Variants in NUP58 observed in about 807,000 individuals in gnomAD.
NUP58 encodes nucleoporin 58.
Under a neutral mutation model 70.1 loss-of-function variants are expected in NUP58, and 17 were observed. The observed-to-expected ratio is 0.24, with a 90% CI of 0.17 to 0.36. The LOEUF (loss-of-function observed/expected upper bound fraction) is 0.36, where lower values mean the gene tolerates loss of function less well. Among genes scored for constraint, NUP58 ranks in the 10% least tolerant of loss-of-function variants. The pLI, the probability that NUP58 is intolerant of heterozygous loss-of-function variation, is 1.00. For synonymous variants in NUP58, 275 were observed against 257.6 expected (o/e 1.07, Z -0.65); for missense variants, 644 against 701.5 (o/e 0.92, Z 0.93).
At chr13:25,335,790 A>G (rs2031759323) in intron 13 of NUP58, 1 of 984,394 alleles carries the variant, frequency 1.0e-6, no homozygotes, top group Non-Finnish European at 1.2e-6. Flanking sequence ...GAAGGCTTTG[A>G]TTTCTTTAAA....
At chr13:25,324,910 A>T in intron 9 of NUP58, 79 bp from the exon 10 acceptor site, 1 of 918,476 alleles carries the variant, frequency 1.1e-6, no homozygotes, top group East Asian at 2.4e-5. Context: ...CAGAGACTGA[A>T]TATTTTTTTT....
chr13:25,329,116 G>T (rs2031511429), intron 12 of NUP58, among the ~76,000 whole-genome samples: 1 of 152,084 alleles, frequency 6.6e-6, no homozygotes, highest in Non-Finnish European at 1.5e-5. Context: ...TATAATAAAT[G>T]TTACTTTAAT....
At chr13:25,305,130 G>GTTTTTTTTTTTTTTTTTTTTTTTTTT (rs562132125) in intron 1 of NUP58, among the ~76,000 whole-genome samples, 4 of 58,570 alleles carry the variant, frequency 6.8e-5, no homozygotes, top group African/African-American at 2.1e-4. Context: ...GATCTGTGGG[G>GTTTTTTTTTTTTTTTTTTTTTTTTTT]TTTTTTTTTT....
chr13:25,312,791 T>G, intron 3 of NUP58, 92 bp from the exon 4 acceptor site: 4 of 1,284,400 alleles, frequency 3.1e-6, no homozygotes, highest in Non-Finnish European at 4.3e-6. Flanking sequence ...TCATGAACTT[T>G]TAAGGATCCT....
rs1257335187 is a variant in NUP58 at position 25,341,611 on chromosome 13, A to G, written c.*1477A>G. 6.6e-6 allele frequency: 1 copy of G among 152,650 alleles called. No individual in the cohort carries two copies. Among genetic ancestry groups the G allele is most frequent in the Non-Finnish European group, 1.5e-5 (1 of 68,026 alleles). The allele number at this position is 152,650 out of a possible 1,614,324, so 9.5% of individuals were successfully genotyped here. On this transcript the variant is annotated 3_prime_UTR_variant, in exon 16 of 16. Coordinates refer to ENST00000381736, the MANE Select transcript of NUP58 (RefSeq NM_014089.4). ...ATAACAGTGAACAGAGCTCCAGGTA[A>G]TAACGCATAGGCATGTCAGGTTGCA...
intron 14 of NUP58, among the ~76,000 whole-genome samples, chr13:25,337,590 A>G (rs913484719): frequency 6.6e-6 from 1 of 152,192 alleles, no homozygotes; most frequent in Non-Finnish European, 1.5e-5. Flanking sequence ...CCTCTGCAAA[A>G]ACATCATGCT....
At chr13:25,328,709 A>T (rs2031496601) in intron 12 of NUP58, among the ~76,000 whole-genome samples, 1 of 151,990 alleles carries the variant, frequency 6.6e-6, no homozygotes. Context: ...GAATATTTTG[A>T]CTCTCATAAT....
chr13:25,328,167 C>A (rs1315479208), intron 12 of NUP58, among the ~76,000 whole-genome samples: 1 of 151,854 alleles, frequency 6.6e-6, no homozygotes, highest in Non-Finnish European at 1.5e-5. Context: ...CCACTGCACT[C>A]CAGCCTGGGC....
At position 25,312,780 on chromosome 13, in the gene NUP58, A is replaced by G. The variant is rs369161995; in HGVS notation, c.287-103A>G. 1.2e-5 allele frequency: 13 copies of G among 1,106,056 alleles called. No individual in the cohort carries two copies. The African/African-American group carries it at 1.3e-4, about 11-fold the overall frequency. 68.5% of individuals were successfully genotyped at this position (1,106,056 alleles called of 1,614,324 possible). On this transcript the variant is annotated intron_variant, in intron 3 of 15. Transcript: ENST00000381736. ...CCTTCTTCTATTGGCAAAAGGTAGT[A>G]TCATGAACTTTTAAGGATCCTTATT...
At chr13:25,312,014 G>A (rs1166047381) in intron 3 of NUP58, among the ~76,000 whole-genome samples, 1 of 152,124 alleles carries the variant, frequency 6.6e-6, no homozygotes, top group Non-Finnish European at 1.5e-5. Context: ...AGACAATGAG[G>A]ACTTAGGTAA....
chr13:25,325,192 C>A, intron 10 of NUP58, 124 bp downstream of exon 10: 1 of 659,468 alleles, frequency 1.5e-6, no homozygotes, highest in Non-Finnish European at 2.5e-6. Flanking sequence ...AAGCACTTTA[C>A]ATGGATTTTA....
chr13:25,329,436 A>G (rs1764095643), intron 12 of NUP58, among the ~76,000 whole-genome samples: 1 of 152,186 alleles, frequency 6.6e-6, no homozygotes, highest in African/African-American at 2.4e-5. Context: ...TAATATGACC[A>G]TAAAACAGTG....
chr13:25,336,764 A>G lies in NUP58; in HGVS notation c.1436-172A>G, dbSNP rs74603235. Among the ~76,000 whole-genome samples, 567 of 152,148 alleles carry G rather than the reference A, an allele frequency of 3.7e-3. 8 individuals are homozygous for G. The highest frequency in any genetic ancestry group is 0.013 in the African/African-American group (545 of 41,530). On this transcript the variant is annotated intron_variant, in intron 13 of 15. Coordinates refer to ENST00000381736, the MANE Select transcript of NUP58 (RefSeq NM_014089.4). ...TTTTTAGATAGATAAATCAGTTTGGATAGGTAAGTTAGACTGGAGAGACAT... is the reference window on the plus strand; with the variant it reads ...TTTTTAGATAGATAAATCAGTTTGGGTAGGTAAGTTAGACTGGAGAGACAT...
chr13:25,313,110 T>G, intron 4 of NUP58, 78 bp downstream of exon 4: 1 of 1,460,410 alleles, frequency 6.8e-7, no homozygotes. Context: ...GATAGTCACC[T>G]TACTACAGAA....
downstream of NUP58, among the ~76,000 whole-genome samples, chr13:25,342,843 T>C (rs2031992724): frequency 6.6e-6 from 1 of 152,188 alleles, no homozygotes; most frequent in Non-Finnish European, 1.5e-5. Flanking sequence ...TTTACTTTTT[T>C]AACAAATAGG....
chr13:25,333,025 T>C, intron 13 of NUP58: 1 of 984,484 alleles, frequency 1.0e-6, no homozygotes, highest in Non-Finnish European at 1.2e-6. Flanking sequence ...TTCTATTAAA[T>C]AGAACTTGAG....
At chr13:25,331,324 T>C (rs2031594620) in intron 12 of NUP58, 33 bp from the exon 13 acceptor site, 1 of 1,596,608 alleles carries the variant, frequency 6.3e-7, no homozygotes, top group African/African-American at 1.4e-5. Context: ...AATGTGAAAC[T>C]TCATTTAGCC....
intron 6 of NUP58, among the ~76,000 whole-genome samples, chr13:25,318,087 T>C (rs1316012642): frequency 1.3e-5 from 2 of 152,026 alleles, no homozygotes; most frequent in Non-Finnish European, 2.9e-5. Flanking sequence ...CCCAGCACTT[T>C]GGGAGGCCGG....
chr13:25,326,467 A>G (rs750196363), intron 10 of NUP58, among the ~76,000 whole-genome samples: 4 of 152,086 alleles, frequency 2.6e-5, no homozygotes, highest in Non-Finnish European at 5.9e-5. Flanking sequence ...AATGACTATA[A>G]ATTCTTAATT....
Sources: allele counts gnomAD v4.1 joint callset (sites outside exome capture counted in the v4.1 genomes callset), GRCh38; gene constraint gnomAD v4.1.1; transcripts MANE v1.5; gene names NCBI Gene and HGNC (gene_info 2026-07-23, HGNC 2026-07-21).